Variants in ZFAND3 observed in about 807,000 individuals in gnomAD.
ZFAND3 encodes zinc finger AN1-type containing 3.
Under a neutral mutation model 29.6 loss-of-function variants are expected in ZFAND3, and 10 were observed. The ratio of observed to expected loss-of-function variants is 0.34; its 90% CI spans 0.21 to 0.57. ZFAND3 has a LOEUF of 0.57. Ranked by LOEUF, ZFAND3 falls within the 20% of genes least tolerant of loss-of-function variation. ZFAND3 has a pLI of 0.86. For synonymous variants in ZFAND3, 128 were observed against 112.6 expected, an observed-to-expected ratio of 1.14 and a Z score of -0.87; for missense variants, 230 against 304.5, an observed-to-expected ratio of 0.76 and a Z score of 1.82.
At chr6:38,091,672 A>T (rs1764874045) in intron 4 of ZFAND3, among the ~76,000 whole-genome samples, 1 of 145,770 alleles carries the variant, frequency 6.9e-6, no homozygotes, top group Admixed American at 6.9e-5. Context: ...CCTTGCAATG[A>T]TACTGCCCAT....
intron 2 of ZFAND3, among the ~76,000 whole-genome samples, chr6:37,962,731 A>C (rs1204663674): frequency 5.9e-5 from 9 of 152,230 alleles, no homozygotes; most frequent in Admixed American, 4.6e-4. Context: ...AAATAAGGGA[A>C]TAAAAGCTGG....
At chr6:37,830,705 A>G (rs1048929846) in intron 1 of ZFAND3, among the ~76,000 whole-genome samples, 1 of 152,072 alleles carries the variant, frequency 6.6e-6, no homozygotes, top group African/African-American at 2.4e-5. Context: ...TATTGCCACA[A>G]CCTATTAATT....
At chr6:37,865,645 TG>T (rs1764576769) in intron 1 of ZFAND3, among the ~76,000 whole-genome samples, 1 of 152,222 alleles carries the variant, frequency 6.6e-6, no homozygotes, top group Non-Finnish European at 1.5e-5. Flanking sequence ...GGATGTGGTT[TG>T]AACAGTTTGG....
intron 5 of ZFAND3, among the ~76,000 whole-genome samples, chr6:38,151,645 A>G (rs1351229675): frequency 6.6e-6 from 1 of 152,186 alleles, no homozygotes; most frequent in African/African-American, 2.4e-5. Context: ...TGGCGATTGG[A>G]GCCCAGCATT....
chr6:37,834,554 T>G (rs899189460), intron 1 of ZFAND3, among the ~76,000 whole-genome samples: 1 of 152,180 alleles, frequency 6.6e-6, no homozygotes, highest in Non-Finnish European at 1.5e-5. Context: ...AGAGTATGTT[T>G]AGTTTTGTAA....
chr6:38,005,919 G>A (rs1046002648), intron 2 of ZFAND3, among the ~76,000 whole-genome samples: 7 of 152,096 alleles, frequency 4.6e-5, no homozygotes, highest in Non-Finnish European at 4.4e-5. Context: ...CAATAATTCT[G>A]GTCCTTCTCT....
At chr6:37,832,752 C>T (rs1763887583) in intron 1 of ZFAND3, among the ~76,000 whole-genome samples, 1 of 152,174 alleles carries the variant, frequency 6.6e-6, no homozygotes, top group African/African-American at 2.4e-5. Context: ...TCATAGTTCA[C>T]TGTAGCCTCG....
intron 2 of ZFAND3, among the ~76,000 whole-genome samples, chr6:37,991,444 C>A (rs1762757483): frequency 6.6e-6 from 1 of 152,054 alleles, no homozygotes; most frequent in African/African-American, 2.4e-5. Context: ...CTTTTGCCCC[C>A]CAGGTTCAAG....
chr6:37,904,488 GGAAAGTCTCAGCC>G (rs1389729865), intron 1 of ZFAND3, among the ~76,000 whole-genome samples: 2 of 152,074 alleles, frequency 1.3e-5, no homozygotes, highest in Non-Finnish European at 2.9e-5. Context: ...TAGGCATATT[GGAAAGTCTCAGCC>G]CAATGAAAAT....
At chr6:37,989,689 T>C (rs1762727859) in intron 2 of ZFAND3, among the ~76,000 whole-genome samples, 1 of 151,840 alleles carries the variant, frequency 6.6e-6, no homozygotes, top group Admixed American at 6.6e-5. Context: ...GTGACACCAA[T>C]TGCAAGGGCC....
At chr6:38,100,970 T>C (rs535655698) in intron 4 of ZFAND3, among the ~76,000 whole-genome samples, 40 of 152,352 alleles carry the variant, frequency 2.6e-4, no homozygotes, top group African/African-American at 9.6e-4. Flanking sequence ...TGTGTAATTC[T>C]TAAAATCGGA....
chr6:37,938,283 C>G (rs1050005655), intron 2 of ZFAND3, among the ~76,000 whole-genome samples: 3 of 152,024 alleles, frequency 2.0e-5, no homozygotes, highest in Non-Finnish European at 2.9e-5. Context: ...CTAGATTTAC[C>G]TAGAACAATC....
chr6:38,115,926 TG>T (rs1167650771), intron 4 of ZFAND3, among the ~76,000 whole-genome samples: 1 of 152,162 alleles, frequency 6.6e-6, no homozygotes, highest in Non-Finnish European at 1.5e-5. Flanking sequence ...CACCCCATGG[TG>T]GAGTTCATAG....
Position 37,819,863 on chromosome 6 carries a change from G to GCCGCCA in ZFAND3, c.-77_-72dup. 1.3e-6 allele frequency: 1 copy of GCCGCCA among 771,738 alleles called. No homozygotes were observed. The highest frequency in any genetic ancestry group is 1.7e-6 in the Non-Finnish European group (1 of 596,934). The allele number at this position is 771,738 out of a possible 1,614,324, so 47.8% of individuals were successfully genotyped here. On this transcript the variant is annotated 5_prime_UTR_variant, in exon 1 of 6. Coordinates refer to ENST00000287218, the MANE Select transcript of ZFAND3 (RefSeq NM_021943.3). ...CCCCCGCCCCGAGCCCCCCGACGCC[G>GCCGCCA]CCGCCACCGCCTCCTCAGAGCGGGG...
intron 5 of ZFAND3, among the ~76,000 whole-genome samples, chr6:38,136,458 G>C (rs932184200): frequency 6.6e-6 from 1 of 152,182 alleles, no homozygotes; most frequent in Non-Finnish European, 1.5e-5. Context: ...ACAGATCTTT[G>C]CATGATCCAA....
At chr6:38,071,833 G>T (rs1304549117) in intron 3 of ZFAND3, among the ~76,000 whole-genome samples, 1 of 152,060 alleles carries the variant, frequency 6.6e-6, no homozygotes, top group African/African-American at 2.4e-5. Flanking sequence ...CACACTGCTG[G>T]CATAGTACTC....
At chr6:38,132,951 GC>G (rs1765771001) in intron 5 of ZFAND3, among the ~76,000 whole-genome samples, 1 of 152,204 alleles carries the variant, frequency 6.6e-6, no homozygotes, top group African/African-American at 2.4e-5. Context: ...CTTTCCAGCA[GC>G]CCAGCTCCCG....
rs59219746 is a variant in ZFAND3, at chr6:38,098,983, A to C, written c.361+16526A>C. On this transcript the variant is annotated intron_variant, in intron 4 of 5. Coordinates refer to ENST00000287218, the MANE Select transcript of ZFAND3 (RefSeq NM_021943.3). ...TCCTGGTCTAGGCCTTGGAAGTTAA[A>C]TATTTCCGTATGTATTGGTGGAAAG... Among the ~76,000 whole-genome samples, 2,625 of 152,256 alleles carry C rather than the reference A, an allele frequency of 0.017. 252 individuals are homozygous for C. The East Asian group carries it at 0.28, about 16-fold the overall frequency.
chr6:37,935,698 G>C (rs188370039), intron 2 of ZFAND3, among the ~76,000 whole-genome samples: 1 of 152,252 alleles, frequency 6.6e-6, no homozygotes, highest in Admixed American at 6.5e-5. Flanking sequence ...TTACTATTAT[G>C]ATTTTAAGTT....
Sources: gnomAD v4.1 joint callset for allele counts (sites outside exome capture counted in the v4.1 genomes callset) on GRCh38, gnomAD v4.1.1 for gene constraint, MANE v1.5 for transcripts, NCBI Gene and HGNC (gene_info 2026-07-23, HGNC 2026-07-21) for gene names.